OR4N2: variants seen among roughly 807,000 people sequenced by gnomAD.
OR4N2 encodes the protein olfactory receptor 4N2.
For synonymous variants in OR4N2, 141 were observed against 140.4 expected, an observed-to-expected ratio of 1.00 and a Z score of -0.03; for missense variants, 307 against 377.6, an observed-to-expected ratio of 0.81 and a Z score of 1.55.
chr14:19,820,753 C>G (rs1296623469), intron 1 of OR4N2, among the ~76,000 whole-genome samples: 2 of 152,250 alleles, frequency 1.3e-5, no homozygotes, highest in Admixed American at 6.5e-5. Context: ...CCTACTCAAG[C>G]CTCAGTAATG....
chr14:19,806,193 G>A (rs1237684771), intron 1 of OR4N2, among the ~76,000 whole-genome samples: 8 of 152,086 alleles, frequency 5.3e-5, no homozygotes, highest in African/African-American at 1.9e-4. Context: ...CCAGCTAACA[G>A]CATGATGACA....
intron 1 of OR4N2, among the ~76,000 whole-genome samples, chr14:19,804,328 GT>G (rs1167713520): frequency 6.6e-6 from 1 of 151,808 alleles, no homozygotes; most frequent in South Asian, 2.1e-4. Flanking sequence ...TTCTGATGTA[GT>G]TTTTTCTTTA....
chr14:19,808,239 T>G (rs551820296), intron 1 of OR4N2, among the ~76,000 whole-genome samples: 29 of 152,268 alleles, frequency 1.9e-4, no homozygotes, highest in Middle Eastern at 6.8e-3. Context: ...GCCATAGCAA[T>G]TATGCAAAAG....
At chr14:19,826,173 G>A (rs902626105) in intron 1 of OR4N2, among the ~76,000 whole-genome samples, 43 of 152,308 alleles carry the variant, frequency 2.8e-4, no homozygotes, top group African/African-American at 1.0e-3. Context: ...CTATACTTCA[G>A]TGGATTATCA....
chr14:19,812,849 T>C (rs1355536889), intron 1 of OR4N2, among the ~76,000 whole-genome samples: 1 of 152,226 alleles, frequency 6.6e-6, no homozygotes, highest in Non-Finnish European at 1.5e-5. Context: ...AGGAAAAAAA[T>C]GAATAAATTC....
chr14:19,820,544 C>G (rs1877752167), intron 1 of OR4N2, among the ~76,000 whole-genome samples: 1 of 152,252 alleles, frequency 6.6e-6, no homozygotes, highest in Non-Finnish European at 1.5e-5. Flanking sequence ...CCCTTCCCCC[C>G]AGGTGCTCTG....
intron 1 of OR4N2, among the ~76,000 whole-genome samples, chr14:19,809,605 T>C (rs1304011569): frequency 6.6e-6 from 1 of 152,172 alleles, no homozygotes; most frequent in East Asian, 1.9e-4. Flanking sequence ...CAAACTATAC[T>C]ATAAGGCTAC....
chr14:19,807,656 TA>T (rs139844666), intron 1 of OR4N2, among the ~76,000 whole-genome samples: 4 of 151,646 alleles, frequency 2.6e-5, no homozygotes, highest in African/African-American at 7.3e-5. Flanking sequence ...TACCAGATTT[TA>T]AAAAAAAGAA....
At chr14:19,817,096 T>C (rs1333998370) in intron 1 of OR4N2, among the ~76,000 whole-genome samples, 1 of 152,252 alleles carries the variant, frequency 6.6e-6, no homozygotes, top group African/African-American at 2.4e-5. Flanking sequence ...GGTTTGCCAG[T>C]ATTTTATTGA....
rs1296464495 is a variant in OR4N2, at chr14:19,828,348, G to C, written c.900G>C (p.Lys300Asn). Reference sequence around the variant, plus strand: ...AGGAAGTGAAAGCTTCCATGAAAAAGGTGTTTAATAAGCACATAGCCTGAA... The same window carrying C: ...AGGAAGTGAAAGCTTCCATGAAAAACGTGTTTAATAAGCACATAGCCTGAA... ...RNQEVKASMK[K>N]VFNKHIA Residue 300 changes from lysine to asparagine, a missense_variant, in exon 2 of 2, where the codon AAG becomes AAC. Transcript: ENST00000557677. The C allele has an allele frequency of 6.2e-7, 1 of 1,612,954 alleles. No individual in the cohort carries two copies. The highest frequency in any genetic ancestry group is 1.1e-5 in the South Asian group (1 of 91,002).
chr14:19,823,060 A>G (rs1242793625), intron 1 of OR4N2, among the ~76,000 whole-genome samples: 4 of 152,284 alleles, frequency 2.6e-5, no homozygotes, highest in African/African-American at 9.6e-5. Context: ...CTGGCTAAGA[A>G]TCTATACATT....
At chr14:19,806,363 T>A (rs1566461524) in intron 1 of OR4N2, among the ~76,000 whole-genome samples, 3 of 149,712 alleles carry the variant, frequency 2.0e-5, no homozygotes, top group African/African-American at 7.3e-5. Flanking sequence ...AGGGTCAAAG[T>A]AAAGGGATGC....
Position 19,819,710 on chromosome 14 carries a change from A to C in OR4N2, c.-9-7730A>C, listed in dbSNP as rs561198226. Among the ~76,000 whole-genome samples the C allele has an allele frequency of 8.8e-4, 134 of 152,268 alleles. 1 individual carries two copies. Among genetic ancestry groups the C allele is most frequent in the African/African-American group, 3.0e-3 (126 of 41,552 alleles). On this transcript the variant is annotated intron_variant, in intron 1 of 1. Coordinates refer to ENST00000557677, the MANE Select transcript of OR4N2 (RefSeq NM_001004723.3). ...TGTCAACTTGTCAAACTCATTCTCC[A>C]TCCAGTTTTGTTCCCTTGCTGGCAA...
chr14:19,827,558 T>A lies in OR4N2; in HGVS notation c.110T>A (p.Ile37Asn), dbSNP rs758028024. 5.0e-6 allele frequency: 8 copies of A among 1,614,110 alleles called. No homozygotes were observed. The East Asian group carries it at 1.8e-4, about 36-fold the overall frequency. The change falls in exon 2 of 2, where the codon ATC (isoleucine) becomes AAC (asparagine). Residue 37 changes from isoleucine (I) to asparagine (N), a missense_variant. Coordinates refer to ENST00000557677, the MANE Select transcript of OR4N2 (RefSeq NM_001004723.3). ...VFVLVLIFYF[I>N]ILPGNFLIIF... ...GTGCTAGTTTTAATATTCTACTTCATCATCCTCCCTGGAAATTTTCTCATT... is the reference window on the plus strand; with the variant it reads ...GTGCTAGTTTTAATATTCTACTTCAACATCCTCCCTGGAAATTTTCTCATT...
At chr14:19,808,742 A>G (rs1238530923) in intron 1 of OR4N2, among the ~76,000 whole-genome samples, 2 of 152,096 alleles carry the variant, frequency 1.3e-5, no homozygotes, top group Non-Finnish European at 2.9e-5. Context: ...TACAGAGCCA[A>G]AAAAGCCTGA....
At chr14:19,809,348 T>C (rs1411764794) in intron 1 of OR4N2, among the ~76,000 whole-genome samples, 7 of 152,140 alleles carry the variant, frequency 4.6e-5, no homozygotes, top group Admixed American at 6.5e-5. Context: ...AAAACCAGAG[T>C]TGACAAGTCG....
Position 19,828,665 on chromosome 14 carries a change from G to A in OR4N2, c.*293G>A, listed in dbSNP as rs1350907306. On this transcript the variant is annotated 3_prime_UTR_variant, in exon 2 of 2. Transcript: ENST00000557677. The stretch of plus-strand genomic sequence containing the variant: ...AAATGATAAATTGTGACTCTGGATT[G>A]GGAGTAACCAATTTGTGTTTAATAA... 9.9e-6 allele frequency: 3 copies of A among 302,936 alleles called. No individual in the cohort carries two copies. Among genetic ancestry groups the A allele is most frequent in the South Asian group, 4.5e-5 (1 of 22,362 alleles). The allele number at this position is 302,936 out of a possible 1,614,324, so 18.8% of individuals were successfully genotyped here. A position where few individuals can be genotyped will look rare whatever the true frequency, so the allele number is the denominator to read the frequency against.
At chr14:19,822,711 A>T (rs1352539016) in intron 1 of OR4N2, among the ~76,000 whole-genome samples, 1 of 152,264 alleles carries the variant, frequency 6.6e-6, no homozygotes, top group African/African-American at 2.4e-5. Context: ...TACTTTTAAC[A>T]TCTAAATATT....
intron 1 of OR4N2, among the ~76,000 whole-genome samples, chr14:19,812,422 C>T (rs1458710562): frequency 4.0e-5 from 6 of 151,382 alleles, no homozygotes; most frequent in Non-Finnish European, 8.8e-5. Context: ...CTCCACCTCC[C>T]GAGTTCACGC....
Sources: gnomAD v4.1 joint callset for allele counts (sites outside exome capture counted in the v4.1 genomes callset) on GRCh38, gnomAD v4.1.1 for gene constraint, MANE v1.5 for transcripts, NCBI Gene and HGNC (gene_info 2026-07-23, HGNC 2026-07-21) for gene names.